The following DUXA variants were observed in gnomAD, a reference collection of about 807,000 sequenced individuals.
DUXA encodes the protein double homeobox A, also known as double homeobox protein A.
DUXA carries 25 observed loss-of-function variants against 27.5 expected under a neutral mutation model. The ratio of observed to expected loss-of-function variants is 0.91; its 90% CI spans 0.66 to 1.27. The LOEUF (loss-of-function observed/expected upper bound fraction) is 1.27, where lower values mean the gene tolerates loss of function less well. Among genes scored for constraint, DUXA ranks in the 50% most tolerant of loss-of-function variants. The pLI, the probability that DUXA is intolerant of heterozygous loss-of-function variation, is 0.00. For missense variants in DUXA, 247 were observed against 242.9 expected, an observed-to-expected ratio of 1.02 and a Z score of -0.11; for synonymous variants, 90 against 80.5, an observed-to-expected ratio of 1.12 and a Z score of -0.63.
chr19:57,165,587 C>T (rs1469896262), intron 1 of DUXA, among the ~76,000 whole-genome samples: 1 of 151,272 alleles, frequency 6.6e-6, no homozygotes, highest in Non-Finnish European at 1.5e-5. Context: ...GGGCAGATCA[C>T]GATGTCAGGA....
intron 1 of DUXA, among the ~76,000 whole-genome samples, chr19:57,163,446 TC>T (rs1163235250): frequency 5.0e-5 from 2 of 40,162 alleles, no homozygotes; most frequent in South Asian, 1.0e-3. Context: ...ACATCCTCTC[TC>T]TTTTTTTTTT....
chr19:57,155,382 A>G lies in DUXA; in HGVS notation c.439-10T>C. On this transcript the variant is annotated splice_polypyrimidine_tract_variant and intron_variant, in intron 4 of 5. Coordinates refer to ENST00000554048, the MANE Select transcript of DUXA (RefSeq NM_001012729.2). The stretch of plus-strand genomic sequence containing the variant: ...GATTTTGGAACCAAATCTAAGTGGT[A>G]AGACAAAGAAACTTAATTTAAACAA... The G allele has an allele frequency of 1.9e-6, 3 of 1,583,582 alleles. No individual in the cohort carries two copies. Among genetic ancestry groups the G allele is most frequent in the Non-Finnish European group, 1.7e-6 (2 of 1,153,662 alleles).
intron 1 of DUXA, among the ~76,000 whole-genome samples, chr19:57,164,073 ACT>A (rs1373766772): frequency 1.3e-5 from 2 of 152,120 alleles, no homozygotes; most frequent in Admixed American, 6.6e-5. Context: ...GGCCAGTATT[ACT>A]CTGATACTCA....
Position 57,155,412 on chromosome 19 carries a change from T to C in DUXA, c.439-40A>G, listed in dbSNP as rs762817346. The C allele has an allele frequency of 3.4e-6, 5 of 1,490,454 alleles. No homozygotes were observed. The East Asian group carries it at 1.1e-4, about 34-fold the overall frequency. The allele number at this position is 1,490,454 out of a possible 1,614,324, so 92.3% of individuals were successfully genotyped here. On this transcript the variant is annotated intron_variant, in intron 4 of 5. Transcript: ENST00000554048. ...AAAGAAACTTAATTTAAACAAAGAA[T>C]GTTGTGTAAAACTCATGATTGCTTT...
At position 57,161,416 on chromosome 19, in the gene DUXA, G is replaced by C. The variant is rs902699805; in HGVS notation, c.26-619C>G. Among the ~76,000 whole-genome samples, 3 of 148,382 alleles carry C rather than the reference G, an allele frequency of 2.0e-5. No homozygotes were observed. In the South Asian group the frequency reaches 6.4e-4, roughly 31 times the overall value. On this transcript the variant is annotated intron_variant, in intron 1 of 5. Transcript: ENST00000554048. The stretch of plus-strand genomic sequence containing the variant: ...AGGCGGGCGGATCACAAGGTCAGGA[G>C]ATCGAGACCATCCTGGCTAACATGA...
At chr19:57,162,163 C>G (rs1451900913) in intron 1 of DUXA, among the ~76,000 whole-genome samples, 1 of 152,120 alleles carries the variant, frequency 6.6e-6, no homozygotes, top group African/African-American at 2.4e-5. Flanking sequence ...GCTGAGATTA[C>G]AGATATGAGC....
chr19:57,167,282 G>T, intron 1 of DUXA, 137 bp downstream of exon 1: 1 of 1,067,992 alleles, frequency 9.4e-7, no homozygotes, highest in Non-Finnish European at 1.4e-6. Context: ...TCACATCAGA[G>T]AAACCGGTTT....
At chr19:57,155,237 G>C (rs377293882) in intron 5 of DUXA, 30 bp downstream of exon 5, 105 of 1,599,782 alleles carry the variant, frequency 6.6e-5, no homozygotes, top group Middle Eastern at 3.3e-4. Flanking sequence ...CTCCGCTTGT[G>C]AACCACATTG....
chr19:57,165,329 A>ATATATATATATATG, intron 1 of DUXA, among the ~76,000 whole-genome samples: 2 of 105,918 alleles, frequency 1.9e-5, no homozygotes, highest in African/African-American at 6.3e-5. Flanking sequence ...AAAAAAATAT[A>ATATATATATATATG]TATATATATA....
rs190516335 is a variant in DUXA, at chr19:57,156,052, C to T, written c.439-680G>A. Among the ~76,000 whole-genome samples, 207 of 152,292 alleles carry T rather than the reference C, an allele frequency of 1.4e-3. 2 individuals are homozygous for T. Among genetic ancestry groups the T allele is most frequent in the African/African-American group, 4.6e-3 (192 of 41,562 alleles). ...CAAAATTCTGAAACTCACACCCAGT[C>T]CCTTTGTGATAGGTTTTAGATCCTG... is the stretch of plus-strand genomic sequence containing the variant. On this transcript the variant is annotated intron_variant, in intron 4 of 5. Transcript: ENST00000554048.
In DUXA at chr19:57,154,287, C is replaced by T; in HGVS notation, c.*125G>A. The T allele has an allele frequency of 2.3e-6, 2 of 870,794 alleles. No homozygotes were observed. Among genetic ancestry groups the T allele is most frequent in the African/African-American group, 1.7e-5 (1 of 58,998 alleles). The allele number at this position is 870,794 out of a possible 1,614,324, so 53.9% of individuals were successfully genotyped here. A position where few individuals can be genotyped will look rare whatever the true frequency, so the allele number is the denominator to read the frequency against. ...ACAAGTGTGACCCACCACATCTGGC[C>T]AAGTCCTTTACCATCTTCAGAAGGC... is the stretch of plus-strand genomic sequence containing the variant. On this transcript the variant is annotated 3_prime_UTR_variant, in exon 6 of 6. Coordinates refer to ENST00000554048, the MANE Select transcript of DUXA (RefSeq NM_001012729.2).
chr19:57,154,702 T>C (rs1437330335), intron 5 of DUXA, among the ~76,000 whole-genome samples: 1 of 152,210 alleles, frequency 6.6e-6, no homozygotes, highest in South Asian at 2.1e-4. Flanking sequence ...TAGCTGGGAC[T>C]ACAGGCGCCC....
At chr19:57,156,857 G>A (rs968278380) in intron 4 of DUXA, among the ~76,000 whole-genome samples, 3 of 152,014 alleles carry the variant, frequency 2.0e-5, no homozygotes, top group Admixed American at 2.0e-4. Context: ...GTAGAGACGG[G>A]GTTTCTCCAT....
chr19:57,154,753 C>CG (rs1188935611), intron 5 of DUXA, among the ~76,000 whole-genome samples: 1 of 151,972 alleles, frequency 6.6e-6, no homozygotes, highest in African/African-American at 2.4e-5. Flanking sequence ...TTAGTAGAGA[C>CG]GGGGTTTCAC....
intron 1 of DUXA, among the ~76,000 whole-genome samples, chr19:57,167,050 T>C (rs1034817780): frequency 2.0e-5 from 3 of 152,182 alleles, no homozygotes; most frequent in Non-Finnish European, 4.4e-5. Context: ...TTTCCAGATC[T>C]GGAATCCTTG....
At chr19:57,159,509 G>A (rs1470131422) in intron 2 of DUXA, among the ~76,000 whole-genome samples, 1 of 151,982 alleles carries the variant, frequency 6.6e-6, no homozygotes, top group Non-Finnish European at 1.5e-5. Flanking sequence ...CACCTCCTGA[G>A]TTCAAGTATT....
At chr19:57,161,417 A>G (rs1053882113) in intron 1 of DUXA, among the ~76,000 whole-genome samples, 2 of 148,620 alleles carry the variant, frequency 1.3e-5, no homozygotes, top group South Asian at 2.1e-4. Context: ...AGGTCAGGAG[A>G]TCGAGACCAT....
At chr19:57,161,529 A>G (rs1247822425) in intron 1 of DUXA, among the ~76,000 whole-genome samples, 1 of 150,464 alleles carries the variant, frequency 6.6e-6, no homozygotes, top group Non-Finnish European at 1.5e-5. Flanking sequence ...AGGCTGAGGC[A>G]GGAGAATGGC....
Position 57,154,483 on chromosome 19 carries a change from C to G in DUXA, c.545-1G>C, listed in dbSNP as rs777103754. 6.2e-7 allele frequency: 1 copy of G among 1,611,622 alleles called. No homozygotes were observed. Among genetic ancestry groups the G allele is most frequent in the South Asian group, 1.1e-5 (1 of 91,030 alleles). On this transcript the variant is annotated splice_acceptor_variant, in intron 5 of 5. Coordinates refer to ENST00000554048, the MANE Select transcript of DUXA (RefSeq NM_001012729.2). LOFTEE classifies it high-confidence loss of function. ...GTGCCATTTTGTGTATCTTCTGCACCTAAGGAGGAAAAAAGATAGAGGAAA... is the reference window on the plus strand; with the variant it reads ...GTGCCATTTTGTGTATCTTCTGCACGTAAGGAGGAAAAAAGATAGAGGAAA...
Sources: allele counts gnomAD v4.1 joint callset (sites outside exome capture counted in the v4.1 genomes callset), GRCh38; gene constraint gnomAD v4.1.1; transcripts MANE v1.5; gene names NCBI Gene and HGNC (gene_info 2026-07-23, HGNC 2026-07-21).